The following ACVR1 variants were observed in gnomAD, a reference collection of about 807,000 sequenced individuals.
ACVR1 encodes activin receptor type-1.
ACVR1 carries 38 observed loss-of-function variants against 57.1 expected under a neutral mutation model. The observed-to-expected ratio is 0.67, with a 90% CI of 0.51 to 0.87. The LOEUF is 0.87. Ranked by LOEUF, ACVR1 falls within the 40% of genes least tolerant of loss-of-function variation. ACVR1 has a pLI of 0.00. For missense variants in ACVR1, 463 were observed against 638.2 expected, an observed-to-expected ratio of 0.73 and a Z score of 2.96; for synonymous variants, 212 against 228.1, an observed-to-expected ratio of 0.93 and a Z score of 0.63.
At chr2:157,802,570 G>A (rs1687363863) in intron 2 of ACVR1, among the ~76,000 whole-genome samples, 1 of 151,962 alleles carries the variant, frequency 6.6e-6, no homozygotes, top group Non-Finnish European at 1.5e-5. Flanking sequence ...CTGGACATCT[G>A]TACGTGATGC....
intron 3 of ACVR1, among the ~76,000 whole-genome samples, chr2:157,795,374 T>C (rs879270902): frequency 1.0e-4 from 13 of 126,522 alleles, no homozygotes; most frequent in Admixed American, 1.9e-4. Flanking sequence ...ATGCCTTCCA[T>C]AGAACACACA....
intron 8 of ACVR1, among the ~76,000 whole-genome samples, chr2:157,763,562 CAA>C (rs1328885580): frequency 6.6e-6 from 1 of 151,782 alleles, no homozygotes; most frequent in Non-Finnish European, 1.5e-5. Context: ...CTACTAAGAA[CAA>C]AAAAAAGTTA....
chr2:157,830,346 A>C (rs1238358147), intron 1 of ACVR1, among the ~76,000 whole-genome samples: 2 of 152,214 alleles, frequency 1.3e-5, no homozygotes, highest in East Asian at 3.8e-4. Context: ...AAAAAGAAAT[A>C]ATAATGCTAA....
At chr2:157,861,992 T>C (rs185545033) in intron 1 of ACVR1, among the ~76,000 whole-genome samples, 1 of 152,328 alleles carries the variant, frequency 6.6e-6, no homozygotes, top group African/African-American at 2.4e-5. Context: ...TTATAATACA[T>C]CATTTTAGGT....
At chr2:157,858,229 C>T (rs923147583) in intron 1 of ACVR1, among the ~76,000 whole-genome samples, 5 of 152,106 alleles carry the variant, frequency 3.3e-5, no homozygotes, top group African/African-American at 4.8e-5. Context: ...CTCTCTATGG[C>T]GATAGGAGCC....
At chr2:157,863,712 AAGAG>A (rs751028150) in intron 1 of ACVR1, among the ~76,000 whole-genome samples, 1 of 151,780 alleles carries the variant, frequency 6.6e-6, no homozygotes. Flanking sequence ...AAAAAATAAA[AAGAG>A]AGAGAGAAAG....
chr2:157,820,032 A>G (rs1688108910), intron 1 of ACVR1, among the ~76,000 whole-genome samples: 1 of 152,228 alleles, frequency 6.6e-6, no homozygotes, highest in Non-Finnish European at 1.5e-5. Context: ...AATTATGGGG[A>G]AAAATCTTCC....
intron 3 of ACVR1, among the ~76,000 whole-genome samples, chr2:157,788,960 T>C (rs946845458): frequency 6.6e-6 from 1 of 152,334 alleles, no homozygotes; most frequent in East Asian, 1.9e-4. Flanking sequence ...CCCAGGAAGA[T>C]GTGCCTGTGC....
chr2:157,786,353 C>T (rs903012188), intron 3 of ACVR1, among the ~76,000 whole-genome samples: 4 of 152,104 alleles, frequency 2.6e-5, no homozygotes, highest in East Asian at 1.9e-4. Context: ...GCAAGCCTGA[C>T]GAATATTTGC....
chr2:157,737,070 G>C lies in ACVR1; in HGVS notation c.*461C>G, dbSNP rs1437522197. ...TGGCAAGTTGGGTCTTTAAAATTAA[G>C]AGTAACAGTGCAAGTAAGGAATGCA... On this transcript the variant is annotated 3_prime_UTR_variant, in exon 11 of 11. Coordinates refer to ENST00000434821, the MANE Select transcript of ACVR1 (RefSeq NM_001111067.4). 3.6e-6 allele frequency: 1 copy of C among 278,930 alleles called. No individual in the cohort carries two copies. The highest frequency in any genetic ancestry group is 2.1e-5 in the African/African-American group (1 of 47,440). 17.3% of individuals were successfully genotyped at this position (278,930 alleles called of 1,614,324 possible).
chr2:157,787,280 AC>A (rs143465316), intron 3 of ACVR1, among the ~76,000 whole-genome samples: 2,392 of 152,318 alleles, frequency 0.016, 52 homozygotes, highest in African/African-American at 0.053. Flanking sequence ...TTTAACAAAT[AC>A]AGCATATTAA....
chr2:157,779,829 A>G (rs3820742), intron 4 of ACVR1, among the ~76,000 whole-genome samples: 118,704 of 152,082 alleles, frequency 0.78, 46,433 homozygotes, highest in East Asian at 0.93. Flanking sequence ...CCTGCTTCAA[A>G]TTTCAGTGAT....
chr2:157,855,341 CACACAA>C (rs1558848520), intron 1 of ACVR1, among the ~76,000 whole-genome samples: 9 of 121,166 alleles, frequency 7.4e-5, no homozygotes, highest in African/African-American at 3.0e-4. Flanking sequence ...CACACACACA[CACACAA>C]AAATTAGCCG....
intron 1 of ACVR1, 82 bp from the exon 2 acceptor site, chr2:157,818,641 C>T (rs1688034866): frequency 6.6e-6 from 1 of 152,182 alleles, no homozygotes; most frequent in South Asian, 2.1e-4. Context: ...AGGAAGTGCA[C>T]ATTTGGCACG....
intron 9 of ACVR1, among the ~76,000 whole-genome samples, chr2:157,759,756 G>A (rs1419575051): frequency 6.6e-6 from 1 of 152,094 alleles, no homozygotes; most frequent in East Asian, 1.9e-4. Context: ...GATTAAGTGG[G>A]ATTTATTCTT....
chr2:157,749,321 T>C (rs1351595406), intron 9 of ACVR1, among the ~76,000 whole-genome samples: 1 of 152,184 alleles, frequency 6.6e-6, no homozygotes. Context: ...TAAAAATGAT[T>C]GACAAGTGCT....
Position 157,737,140 on chromosome 2 carries a change from C to G in ACVR1, c.*391G>C, listed in dbSNP as rs1464567066. The G allele has an allele frequency of 5.9e-6, 2 of 339,288 alleles. No individual in the cohort carries two copies. Among genetic ancestry groups the G allele is most frequent in the African/African-American group, 4.1e-5 (2 of 48,730 alleles). The allele number at this position is 339,288 out of a possible 1,614,324, so 21.0% of individuals were successfully genotyped here. On this transcript the variant is annotated 3_prime_UTR_variant, in exon 11 of 11. Coordinates refer to ENST00000434821, the MANE Select transcript of ACVR1 (RefSeq NM_001111067.4). ...AAGAAGAGAAGCACAGGCAATATTG[C>G]TGATTAAAAATTCACCACCTCCTTG...
chr2:157,866,302 T>A (rs1689931394), intron 1 of ACVR1, among the ~76,000 whole-genome samples: 1 of 152,102 alleles, frequency 6.6e-6, no homozygotes, highest in African/African-American at 2.4e-5. Flanking sequence ...TCACCGCACT[T>A]GGGCTTAGAA....
At position 157,851,179 on chromosome 2, in the gene ACVR1, T is replaced by C. The variant is rs562713237; in HGVS notation, c.-183+24617A>G. Reference sequence around the variant, plus strand: ...AACGGAAAGTTAACTTAAGGTAAATTTAAGATCCCATATGCAGTAAAGAGA... The same window carrying C: ...AACGGAAAGTTAACTTAAGGTAAATCTAAGATCCCATATGCAGTAAAGAGA... On this transcript the variant is annotated intron_variant, in intron 1 of 10. Coordinates refer to ENST00000434821, the MANE Select transcript of ACVR1 (RefSeq NM_001111067.4). 2.6e-5 allele frequency among the ~76,000 whole-genome samples: 4 copies of C among 152,074 alleles called. No individual in the cohort carries two copies. The East Asian group carries it at 7.7e-4, about 29-fold the overall frequency.
Sources: allele counts gnomAD v4.1 joint callset (sites outside exome capture counted in the v4.1 genomes callset), GRCh38; gene constraint gnomAD v4.1.1; transcripts MANE v1.5; gene names NCBI Gene and HGNC (gene_info 2026-07-23, HGNC 2026-07-21).